The following SLFN5 variants were observed in gnomAD, a reference collection of about 807,000 sequenced individuals.
The protein encoded by SLFN5 is schlafen family member 5.
In SLFN5, 34 loss-of-function variants were observed where a neutral mutation model predicts 48.5. The ratio of observed to expected loss-of-function variants is 0.70; its 90% CI spans 0.53 to 0.93. The LOEUF is 0.93. SLFN5 is among the 40% of genes least tolerant of loss of function. The pLI is 0.00. For missense variants in SLFN5, 1,006 were observed against 1,071.3 expected (o/e 0.94, Z 0.85); for synonymous variants, 387 against 396.2 (o/e 0.98, Z 0.28).
At position 35,258,764 on chromosome 17, in the gene SLFN5, C is replaced by T; in HGVS notation, c.74C>T (p.Thr25Ile). Residue 25 changes from threonine to isoleucine, a missense_variant, in exon 2 of 5, where the codon ACT (threonine) becomes ATT (isoleucine). Transcript: ENST00000299977. ...VVDAGKVTLG[T>I]QQRQEMDPRL... ...GATGCAGGAAAAGTCACCCTTGGGA[C>T]TCAGCAGAGGCAGGAGATGGACCCT... 2 of 1,614,088 alleles carry T rather than the reference C, an allele frequency of 1.2e-6. No individual in the cohort carries two copies. Among genetic ancestry groups the T allele is most frequent in the Non-Finnish European group, 8.5e-7 (1 of 1,180,018 alleles).
Position 35,272,197 on chromosome 17 carries a change from T to A in SLFN5, c.*6309T>A, listed in dbSNP as rs990307810. 1 of 152,094 alleles carries A rather than the reference T, an allele frequency of 6.6e-6. No individual in the cohort carries two copies. The highest frequency in any genetic ancestry group is 1.5e-5 in the Non-Finnish European group (1 of 68,018). The allele number at this position is 152,094 out of a possible 1,614,324, so 9.4% of individuals were successfully genotyped here. A position where few individuals can be genotyped will look rare whatever the true frequency, so the allele number is the denominator to read the frequency against. On this transcript the variant is annotated 3_prime_UTR_variant, in exon 5 of 5. Transcript: ENST00000299977. ...TATGTGGAGGGTCAATGGAACAAGA[T>A]GAAATGGCCAAAAATAAATTTAAAA... is the stretch of plus-strand genomic sequence containing the variant.
chr17:35,258,685 G>C lies in SLFN5; in HGVS notation c.-6G>C. On this transcript the variant is annotated 5_prime_UTR_variant, in exon 2 of 5. Transcript: ENST00000299977. ...TCAGGATAGGAATAGGCCAAGTGCT[G>C]AGAAGATGAGTCTTAGGATTGATGT... 3.7e-6 allele frequency: 6 copies of C among 1,608,818 alleles called. No homozygotes were observed. Among genetic ancestry groups the C allele is most frequent in the Non-Finnish European group, 5.1e-6 (6 of 1,176,378 alleles).
At chr17:35,255,440 GAT>G (rs1299567029) in intron 1 of SLFN5, among the ~76,000 whole-genome samples, 1 of 152,228 alleles carries the variant, frequency 6.6e-6, no homozygotes, top group Non-Finnish European at 1.5e-5. Flanking sequence ...TGACTACCAT[GAT>G]ATGTGTGTGT....
chr17:35,258,987 G>A lies in SLFN5; in HGVS notation c.297G>A (p.Val99=), dbSNP rs1305608958. 6.2e-6 allele frequency: 10 copies of A among 1,614,064 alleles called. No homozygotes were observed. The South Asian group carries it at 8.8e-5, about 14-fold the overall frequency. ...AGGAAAACCACTTTTTGATTTTTGT[G>A]AAATCATGGAACACAGAGGCTGGTG... ...MQKENHFLIF[V]KSWNTEAGVP... is the part of the protein sequence containing the mutation. The change falls in exon 2 of 5, where the codon GTG becomes GTA. Residue 99 remains valine (V), a synonymous_variant. Coordinates refer to ENST00000299977, the MANE Select transcript of SLFN5 (RefSeq NM_144975.4).
chr17:35,245,143 C>T (rs1454439900), intron 1 of SLFN5, among the ~76,000 whole-genome samples: 1 of 152,160 alleles, frequency 6.6e-6, no homozygotes, highest in Non-Finnish European at 1.5e-5. Context: ...TTCACTGTTT[C>T]ACTTAAAGAA....
rs1904825729 is a variant in SLFN5, at chr17:35,271,321, T to C, written c.*5433T>C. 3 of 151,976 alleles carry C rather than the reference T, an allele frequency of 2.0e-5. No homozygotes were observed. The highest frequency in any genetic ancestry group is 7.3e-5 in the African/African-American group (3 of 41,370). 9.4% of individuals were successfully genotyped at this position (151,976 alleles called of 1,614,324 possible). ...GCAAGAGTATATGAATAACGTACTA[T>C]AACAAGAAAAAATGAATTGAGAAGA... On this transcript the variant is annotated 3_prime_UTR_variant, in exon 5 of 5. Transcript: ENST00000299977.
rs983639381 is a variant in SLFN5 at position 35,266,577 on chromosome 17, C to T, written c.*689C>T. The T allele has an allele frequency of 6.6e-6, 1 of 151,890 alleles. No individual in the cohort carries two copies. Among genetic ancestry groups the T allele is most frequent in the Non-Finnish European group, 1.5e-5 (1 of 67,990 alleles). The allele number at this position is 151,890 out of a possible 1,614,324, so 9.4% of individuals were successfully genotyped here. A position where few individuals can be genotyped will look rare whatever the true frequency, so the allele number is the denominator to read the frequency against. On this transcript the variant is annotated 3_prime_UTR_variant, in exon 5 of 5. Coordinates refer to ENST00000299977, the MANE Select transcript of SLFN5 (RefSeq NM_144975.4). ...CCTTTTGGTTATGTGGAATCTGTTC[C>T]TTAGCTCTGATTTTTTATTCTTATG...
In SLFN5 at chr17:35,258,826, G is replaced by A. The variant is rs779352651; in HGVS notation, c.136G>A (p.Ala46Thr). Residue 46 changes from alanine to threonine, a missense_variant, in exon 2 of 5, where the codon GCA (alanine) becomes ACA (threonine). By Grantham distance (58) the Ala-to-Thr change is moderately conservative. Coordinates refer to ENST00000299977, the MANE Select transcript of SLFN5 (RefSeq NM_144975.4). ...GAAACAGAATGAAATCATCCTGCGA[G>A]CAGTATGTGCTCTGCTGAATTCTGG... ...REKQNEIILR[A>T]VCALLNSGGG... 2 of 1,614,202 alleles carry A rather than the reference G, an allele frequency of 1.2e-6. No individual in the cohort carries two copies. The highest frequency in any genetic ancestry group is 4.5e-5 in the East Asian group (2 of 44,890).
In SLFN5 at chr17:35,259,595, G is replaced by A. The variant is rs1334728250; in HGVS notation, c.905G>A (p.Cys302Tyr). The A allele has an allele frequency of 1.6e-5, 26 of 1,611,408 alleles. No individual in the cohort carries two copies. Among genetic ancestry groups the A allele is most frequent in the Non-Finnish European group, 2.2e-5 (26 of 1,180,020 alleles). The change falls in exon 2 of 5, where the codon TGC (cysteine) becomes TAC (tyrosine). Residue 302 changes from cysteine (C) to tyrosine (Y), a missense_variant. Coordinates refer to ENST00000299977, the MANE Select transcript of SLFN5 (RefSeq NM_144975.4). ...TGTGCAATCAAGGTGGAGAAATTCT[G>A]CTGTGCGGTGTTTGCCAAAGTGCCT... ...YVCAIKVEKF[C>Y]CAVFAKVPSS...
chr17:35,262,785 G>A (rs1158403204), intron 3 of SLFN5, among the ~76,000 whole-genome samples: 2 of 152,024 alleles, frequency 1.3e-5, no homozygotes, highest in African/African-American at 4.8e-5. Flanking sequence ...AATCACCTGA[G>A]CTCAGGAAGT....
chr17:35,261,173 A>G (rs1904510846), intron 3 of SLFN5, 77 bp downstream of exon 3: 1 of 1,500,596 alleles, frequency 6.7e-7, no homozygotes, highest in Non-Finnish European at 9.0e-7. Context: ...ACTTTATATT[A>G]TATACAGAAT....
At chr17:35,249,286 A>G (rs548859108) in intron 1 of SLFN5, among the ~76,000 whole-genome samples, 1 of 152,224 alleles carries the variant, frequency 6.6e-6, no homozygotes, top group Non-Finnish European at 1.5e-5. Flanking sequence ...AGGACTCAAA[A>G]TAAACTTGTG....
intron 1 of SLFN5, among the ~76,000 whole-genome samples, chr17:35,250,492 T>TA (rs892688119): frequency 9.3e-5 from 14 of 150,706 alleles, no homozygotes; most frequent in East Asian, 1.9e-4. Context: ...CGGTCTCTAC[T>TA]AAAAAAAAAT....
At chr17:35,254,093 A>ATT in intron 1 of SLFN5, among the ~76,000 whole-genome samples, 1 of 152,310 alleles carries the variant, frequency 6.6e-6, no homozygotes, top group East Asian at 1.9e-4. Flanking sequence ...CGGAGTTTAT[A>ATT]TTATCATGAC....
intron 3 of SLFN5, among the ~76,000 whole-genome samples, chr17:35,263,071 C>T (rs1904566732): frequency 6.6e-6 from 1 of 152,100 alleles, no homozygotes; most frequent in African/African-American, 2.4e-5. Flanking sequence ...CTCTTTGCCT[C>T]GCACTTTGGA....
Position 35,266,199 on chromosome 17 carries a change from T to C in SLFN5, c.*311T>C, listed in dbSNP as rs1305945899. ...GTGTGCGCGCGCGCACGTGCACATG[T>C]GTGTAGGTAGATGGAGGGGGTGATT... On this transcript the variant is annotated 3_prime_UTR_variant, in exon 5 of 5. Coordinates refer to ENST00000299977, the MANE Select transcript of SLFN5 (RefSeq NM_144975.4). The C allele has an allele frequency of 1.1e-5, 2 of 184,052 alleles. No individual in the cohort carries two copies. Among genetic ancestry groups the C allele is most frequent in the Non-Finnish European group, 2.2e-5 (2 of 89,218 alleles). 11.4% of individuals were successfully genotyped at this position (184,052 alleles called of 1,614,324 possible).
chr17:35,257,328 G>T (rs943804940), intron 1 of SLFN5, among the ~76,000 whole-genome samples: 1 of 152,118 alleles, frequency 6.6e-6, no homozygotes, highest in Non-Finnish European at 1.5e-5. Flanking sequence ...GTCCTAAAAA[G>T]ATTAATTTTA....
Position 35,260,696 on chromosome 17 carries a change from G to A in SLFN5, c.1013-275G>A, listed in dbSNP as rs948274915. 2.0e-5 allele frequency among the ~76,000 whole-genome samples: 3 copies of A among 152,232 alleles called. No individual in the cohort carries two copies. The East Asian group carries it at 5.8e-4, about 29-fold the overall frequency. On this transcript the variant is annotated intron_variant, in intron 2 of 4. Transcript: ENST00000299977. ...CCACTGCACTCCAGCCTGGGCAACA[G>A]AGTGAGACTGTTTCAATAAATAAAT...
chr17:35,245,006 C>G (rs4796065), intron 1 of SLFN5, among the ~76,000 whole-genome samples: 147,044 of 152,320 alleles, frequency 0.97, 71,023 homozygotes, highest in East Asian at 1. Context: ...AAAATTCACA[C>G]GTGTTTATAG....
Sources: gnomAD v4.1 joint callset for allele counts (sites outside exome capture counted in the v4.1 genomes callset) on GRCh38, gnomAD v4.1.1 for gene constraint, MANE v1.5 for transcripts, NCBI Gene and HGNC (gene_info 2026-07-23, HGNC 2026-07-21) for gene names.